Variants in PTPRG observed in about 807,000 individuals in gnomAD.
PTPRG encodes the protein protein tyrosine phosphatase receptor type G.
Under a neutral mutation model 165.3 loss-of-function variants are expected in PTPRG, and 102 were observed. That is an observed-to-expected ratio of 0.62 (90% CI 0.53 to 0.73). The LOEUF (loss-of-function observed/expected upper bound fraction) is 0.73, where lower values mean the gene tolerates loss of function less well. PTPRG is among the 30% of genes least tolerant of loss of function. PTPRG has a pLI of 0.00. For missense variants in PTPRG, 1,866 were observed against 1,861.4 expected (o/e 1.00, Z -0.05); for synonymous variants, 675 against 669.5 (o/e 1.01, Z -0.13).
At chr3:61,742,284 A>G (rs11925112) in intron 1 of PTPRG, among the ~76,000 whole-genome samples, 20,663 of 151,980 alleles carry the variant, frequency 0.14, 1,941 homozygotes, top group East Asian at 0.5. Flanking sequence ...CTTATAAACT[A>G]TGTCCGGTGG....
intron 6 of PTPRG, among the ~76,000 whole-genome samples, chr3:62,152,933 G>A (rs7632858): frequency 0.016 from 2,483 of 152,124 alleles, 34 homozygotes; most frequent in Middle Eastern, 0.044. Context: ...ATGGCCCCTG[G>A]GCTAAGAATG....
intron 27 of PTPRG, 113 bp from the exon 28 acceptor site, chr3:62,282,614 C>A: frequency 9.7e-7 from 1 of 1,033,556 alleles, no homozygotes; most frequent in Non-Finnish European, 1.3e-6. Flanking sequence ...GTTAACACAA[C>A]ATTGTTGAGA....
chr3:61,843,964 C>CTT (rs11310810), intron 2 of PTPRG, among the ~76,000 whole-genome samples: 3 of 122,090 alleles, frequency 2.5e-5, no homozygotes, highest in Admixed American at 8.2e-5. Flanking sequence ...TTTTACAACT[C>CTT]TTTTTTTTTT....
At chr3:62,235,011 C>T (rs1318973673) in intron 14 of PTPRG, among the ~76,000 whole-genome samples, 1 of 150,710 alleles carries the variant, frequency 6.6e-6, no homozygotes, top group Non-Finnish European at 1.5e-5. Flanking sequence ...GCATATAATA[C>T]CTTCTTAGAT....
chr3:61,737,225 A>G (rs772749255), intron 1 of PTPRG, among the ~76,000 whole-genome samples: 7 of 151,724 alleles, frequency 4.6e-5, no homozygotes, highest in Non-Finnish European at 1.0e-4. Flanking sequence ...CCCTGCTTGT[A>G]TTCTCTGTGG....
chr3:62,169,394 T>C (rs1705131758), intron 8 of PTPRG, among the ~76,000 whole-genome samples: 1 of 152,208 alleles, frequency 6.6e-6, no homozygotes, highest in South Asian at 2.1e-4. Context: ...TTATTATTTT[T>C]TTAACCTATT....
chr3:61,786,216 TAA>T (rs1413836845), intron 2 of PTPRG, among the ~76,000 whole-genome samples: 1 of 152,182 alleles, frequency 6.6e-6, no homozygotes, highest in Admixed American at 6.5e-5. Context: ...GTTCAGAAAT[TAA>T]AAGAGGGCAA....
intron 17 of PTPRG, among the ~76,000 whole-genome samples, chr3:62,267,134 C>T (rs1335311286): frequency 1.3e-5 from 2 of 151,996 alleles, no homozygotes. Context: ...CTTTAAAATA[C>T]AGAACAAGCA....
intron 2 of PTPRG, among the ~76,000 whole-genome samples, chr3:61,843,168 A>G (rs540564967): frequency 9.2e-5 from 14 of 152,312 alleles, no homozygotes; most frequent in Admixed American, 3.9e-4. Flanking sequence ...ATAAGCCACA[A>G]TCCCACCAAT....
chr3:61,763,394 C>T (rs534994038), intron 2 of PTPRG, among the ~76,000 whole-genome samples: 25 of 152,072 alleles, frequency 1.6e-4, no homozygotes, highest in African/African-American at 5.1e-4. Context: ...CGCACCACTA[C>T]ACCCGGCTAA....
chr3:61,837,338 C>T (rs979392133), intron 2 of PTPRG, among the ~76,000 whole-genome samples: 8 of 152,174 alleles, frequency 5.3e-5, no homozygotes, highest in South Asian at 4.1e-4. Context: ...TGTGAGCCAC[C>T]GCACCCAACC....
At chr3:61,849,840 C>A (rs2036913149) in intron 2 of PTPRG, among the ~76,000 whole-genome samples, 1 of 152,166 alleles carries the variant, frequency 6.6e-6, no homozygotes. Context: ...TGCTGAAACT[C>A]CTTTTATTTT....
chr3:62,197,564 G>A (rs1017696995), intron 10 of PTPRG, among the ~76,000 whole-genome samples: 4 of 152,144 alleles, frequency 2.6e-5, no homozygotes, highest in African/African-American at 9.7e-5. Context: ...TGCAGGCCAA[G>A]GCCAGGTCTG....
Position 62,215,829 on chromosome 3 carries a change from T to C in PTPRG, c.2156-3022T>C, listed in dbSNP as rs180762163. Among the ~76,000 whole-genome samples, 381 of 152,002 alleles carry C rather than the reference T, an allele frequency of 2.5e-3. 2 individuals are homozygous for C. The highest frequency in any genetic ancestry group is 8.8e-3 in the African/African-American group (365 of 41,456). ...TGCCCCTGTGGCTTGAGGGACGATA[T>C]AATGTGCCACTGATCCACACAACCA... On this transcript the variant is annotated intron_variant, in intron 12 of 29. Coordinates refer to ENST00000474889, the MANE Select transcript of PTPRG (RefSeq NM_002841.4).
chr3:62,003,821 A>G (rs959491560), intron 4 of PTPRG, among the ~76,000 whole-genome samples: 3 of 152,174 alleles, frequency 2.0e-5, no homozygotes, highest in African/African-American at 7.2e-5. Context: ...TTTGTACGAA[A>G]CTGGGTTGAC....
chr3:62,291,258 G>C (rs1383584812), intron 28 of PTPRG, among the ~76,000 whole-genome samples: 1 of 152,112 alleles, frequency 6.6e-6, no homozygotes, highest in East Asian at 1.9e-4. Flanking sequence ...GCTGGGAATA[G>C]TATGAACAGG....
At chr3:62,013,462 T>G (rs1258807963) in intron 4 of PTPRG, among the ~76,000 whole-genome samples, 1 of 152,216 alleles carries the variant, frequency 6.6e-6, no homozygotes, top group Non-Finnish European at 1.5e-5. Context: ...GTAGCAGGTA[T>G]GTACAGTGAA....
intron 4 of PTPRG, among the ~76,000 whole-genome samples, chr3:62,028,002 T>C (rs943127717): frequency 1.2e-3 from 186 of 152,320 alleles, no homozygotes; most frequent in African/African-American, 4.3e-3. Flanking sequence ...AGATGTGTTA[T>C]GTGTGAATCA....
intron 1 of PTPRG, among the ~76,000 whole-genome samples, chr3:61,610,072 C>T (rs766151554): frequency 6.0e-5 from 9 of 148,926 alleles, no homozygotes; most frequent in Non-Finnish European, 1.2e-4. Context: ...GTATGAACTC[C>T]GATACCACAC....
Sources: gnomAD v4.1 joint callset for allele counts (sites outside exome capture counted in the v4.1 genomes callset) on GRCh38, gnomAD v4.1.1 for gene constraint, MANE v1.5 for transcripts, NCBI Gene and HGNC (gene_info 2026-07-23, HGNC 2026-07-21) for gene names.